TRPV2: variants seen among roughly 807,000 people sequenced by gnomAD.
TRPV2 encodes OTRPC2.
TRPV2 carries 58 observed loss-of-function variants against 91.0 expected under a neutral mutation model. The observed-to-expected ratio is 0.64, with a 90% CI of 0.52 to 0.79. TRPV2 has a LOEUF of 0.79. Ranked by LOEUF, TRPV2 falls within the 30% of genes least tolerant of loss-of-function variation. The probability of loss-of-function intolerance (pLI) is 0.00; values close to 1 mark genes in which losing one functional copy is unlikely to be tolerated. For synonymous variants in TRPV2, 417 were observed against 414.8 expected, an observed-to-expected ratio of 1.01 and a Z score of -0.06; for missense variants, 807 against 969.6, an observed-to-expected ratio of 0.83 and a Z score of 2.23.
rs199746870 is a variant in TRPV2 at position 16,430,481 on chromosome 17, GCCTT to G, written c.1588-1298_1588-1295del. Reference sequence around the variant, plus strand: ...CCATGTTGTAGCATGTGTCAGAAATGCCTTCCTTTTTTTTTTTTTTTTGAGATGG... The same window carrying G: ...CCATGTTGTAGCATGTGTCAGAAATGCCTTTTTTTTTTTTTTTTGAGATGG... On this transcript the variant is annotated intron_variant, in intron 10 of 14. Transcript: ENST00000338560. Among the ~76,000 whole-genome samples the G allele has an allele frequency of 8.3e-4, 108 of 129,836 alleles. 9 individuals carry two copies. The highest frequency in any genetic ancestry group is 1.1e-3 in the Non-Finnish European group (61 of 56,670). The allele number at this position is 129,836 out of a possible 152,430, so 85.2% of individuals were successfully genotyped here. A position where few individuals can be genotyped will look rare whatever the true frequency, so the allele number is the denominator to read the frequency against.
At chr17:16,417,955 G>A in intron 2 of TRPV2, 87 bp downstream of exon 2, 1 of 1,300,714 alleles carries the variant, frequency 7.7e-7, no homozygotes, top group Non-Finnish European at 1.1e-6. Flanking sequence ...GACTAGTCCA[G>A]CACCAGTGCC....
intron 10 of TRPV2, among the ~76,000 whole-genome samples, chr17:16,430,818 C>T (rs538327900): frequency 1.3e-5 from 2 of 152,230 alleles, no homozygotes; most frequent in East Asian, 3.9e-4. Context: ...AATAATATCC[C>T]ATTGTGTAGA....
At chr17:16,431,241 C>T (rs1181590444) in intron 10 of TRPV2, among the ~76,000 whole-genome samples, 2 of 99,760 alleles carry the variant, frequency 2.0e-5, no homozygotes, top group African/African-American at 4.0e-5. Flanking sequence ...AGCAGGAAAA[C>T]AATGTGATCT....
chr17:16,426,172 A>G lies in TRPV2; in HGVS notation c.998A>G (p.Tyr333Cys). The change falls in exon 6 of 15, where the codon TAT (tyrosine) becomes TGT (cysteine). Residue 333 changes from tyrosine to cysteine, a missense_variant. Tyr to Cys is a radical substitution (Grantham distance 194). Transcript: ENST00000338560. This position sits in a 1 kb window ranked among gnomAD's most constrained non-coding sequence, Gnocchi z 6.0. ...HLSRKFTEWC[Y>C]GPVRVSLYDL... ...TCCCGAAAGTTCACCGAGTGGTGCT[A>G]TGGGCCTGTCCGGGTGTCGCTGTAT... The G allele has an allele frequency of 1.2e-6, 2 of 1,614,124 alleles. No homozygotes were observed. Among genetic ancestry groups the G allele is most frequent in the South Asian group, 1.1e-5 (1 of 91,060 alleles).
At chr17:16,433,837 G>A (rs2093423998) in intron 13 of TRPV2, 139 bp downstream of exon 13, 3 of 1,268,476 alleles carry the variant, frequency 2.4e-6, no homozygotes, top group Admixed American at 2.6e-5. Context: ...GACTGAGCCT[G>A]AGCAGGTGAG....
intron 10 of TRPV2, among the ~76,000 whole-genome samples, chr17:16,431,256 C>CATATATATATATATATATATAT (rs60066961): frequency 1.5e-5 from 1 of 67,832 alleles, no homozygotes; most frequent in African/African-American, 6.9e-5. Flanking sequence ...TGATCTGAGA[C>CATATATATATATATATATATAT]ATATATATAT....
Position 16,422,771 on chromosome 17 carries a change from C to A in TRPV2, c.507C>A (p.Ile169=), listed in dbSNP as rs987107556. The A allele has an allele frequency of 1.9e-6, 3 of 1,575,092 alleles. No homozygotes were observed. The Admixed American group carries it at 5.5e-5, about 29-fold the overall frequency. The change falls in exon 4 of 15, where the codon ATC becomes ATA. Residue 169 remains isoleucine (I), a synonymous_variant. Coordinates refer to ENST00000338560, the MANE Select transcript of TRPV2 (RefSeq NM_016113.5). ...DYYRGHSALH[I]AIEKRSLQCV... is the part of the protein sequence containing the mutation. The stretch of plus-strand genomic sequence containing the variant: ...ACCGAGGCCACAGCGCTCTGCACAT[C>A]GCCATTGAGAAGAGGAGTCTGCAGT...
In TRPV2 at chr17:16,427,472, G is replaced by A. The variant is rs546804162; in HGVS notation, c.1275G>A (p.Ala425=). ...AGCAGGCCGCCCCTCACCTGAAAGCGGAGGTTGGAAACTCCATGCTGCTGA... is the reference window on the plus strand; with the variant it reads ...AGCAGGCCGCCCCTCACCTGAAAGCAGAGGTTGGAAACTCCATGCTGCTGA... ...LKKQAAPHLK[A]EVGNSMLLTG... The change falls in exon 8 of 15, where the codon GCG becomes GCA. Residue 425 remains alanine (A), a synonymous_variant. Coordinates refer to ENST00000338560, the MANE Select transcript of TRPV2 (RefSeq NM_016113.5). 191 of 1,613,886 alleles carry A rather than the reference G, an allele frequency of 1.2e-4. No homozygotes were observed. The highest frequency in any genetic ancestry group is 2.2e-4 in the South Asian group (20 of 91,072).
At chr17:16,420,285 T>C (rs769243947) in intron 3 of TRPV2, 37 bp downstream of exon 3, 1 of 1,548,750 alleles carries the variant, frequency 6.5e-7, no homozygotes, top group East Asian at 2.3e-5. Flanking sequence ...CTAGGCATCC[T>C]GTGAGCTGAT....
rs1285307283 is a variant in TRPV2 at position 16,435,764 on chromosome 17, G to A, written c.2194+795G>A. Among the ~76,000 whole-genome samples the A allele has an allele frequency of 1.3e-5, 2 of 152,104 alleles. No homozygotes were observed. Among genetic ancestry groups the A allele is most frequent in the African/African-American group, 2.4e-5 (1 of 41,428 alleles). On this transcript the variant is annotated intron_variant, in intron 14 of 14. Transcript: ENST00000338560. This position sits in a 1 kb window ranked among gnomAD's most constrained non-coding sequence, Gnocchi z 4.2. ...TCCTGAGTCTCCCATGGCCCCTGTT[G>A]TAGGGAGGCTCCTCTGGCCTCTTCT...
intron 9 of TRPV2, 64 bp downstream of exon 9, chr17:16,428,451 C>A: frequency 6.5e-7 from 1 of 1,545,138 alleles, no homozygotes; most frequent in Non-Finnish European, 9.0e-7. Context: ...GCAGTTGTGG[C>A]AGAAGGCACC....
rs763354742 is a variant in TRPV2 at position 16,428,939 on chromosome 17, G to A, written c.1544G>A (p.Arg515His). 6.8e-6 allele frequency: 11 copies of A among 1,614,152 alleles called. No homozygotes were observed. Among genetic ancestry groups the A allele is most frequent in the South Asian group, 3.3e-5 (3 of 91,074 alleles). ...TGGCTGAACCTGCTTTACTATACAC[G>A]TGGCTTCCAGCACACAGGCATCTAC... The part of the protein sequence containing the change: ...LGWLNLLYYT[R>H]GFQHTGIYSV... Residue 515 changes from arginine to histidine, a missense_variant, in exon 10 of 15, where the codon CGT becomes CAT. Transcript: ENST00000338560.
Position 16,417,818 on chromosome 17 carries a change from C to T in TRPV2, c.150C>T (p.Phe50=), listed in dbSNP as rs367705544. ...AGTTCCAGGGCGAGGACCGGAAATTCGCCCCTCAGATAAGAGTCAACCTCA... is the reference window on the plus strand; with the variant it reads ...AGTTCCAGGGCGAGGACCGGAAATTTGCCCCTCAGATAAGAGTCAACCTCA... The part of the protein sequence containing the change: ...ESQFQGEDRK[F]APQIRVNLNY... The change falls in exon 2 of 15, where the codon TTC becomes TTT. Residue 50 remains phenylalanine (F), a synonymous_variant. Coordinates refer to ENST00000338560, the MANE Select transcript of TRPV2 (RefSeq NM_016113.5). The T allele has an allele frequency of 3.2e-5, 52 of 1,614,048 alleles. No individual in the cohort carries two copies. Among genetic ancestry groups the T allele is most frequent in the South Asian group, 1.6e-4 (15 of 91,080 alleles).
intron 3 of TRPV2, among the ~76,000 whole-genome samples, chr17:16,422,128 C>A (rs2093360466): frequency 6.6e-6 from 1 of 151,584 alleles, no homozygotes. Context: ...CACGGTAAAA[C>A]CCGTCTCTGC....
At chr17:16,429,696 G>C (rs1163924282) in intron 10 of TRPV2, among the ~76,000 whole-genome samples, 2 of 152,162 alleles carry the variant, frequency 1.3e-5, no homozygotes, top group African/African-American at 4.8e-5. Context: ...GGAGCTTGGG[G>C]TGCTTGGGAC....
Position 16,435,978 on chromosome 17 carries a change from C to A in TRPV2, c.2195-811C>A, listed in dbSNP as rs1405497319. ...CTCCACACCCCACTGCCTGCTGGGGCCTCCAATGTGACATTCCCAACAGGA... is the reference window on the plus strand; with the variant it reads ...CTCCACACCCCACTGCCTGCTGGGGACTCCAATGTGACATTCCCAACAGGA... On this transcript the variant is annotated intron_variant, in intron 14 of 14. Transcript: ENST00000338560. This position sits in a 1 kb window ranked among gnomAD's most constrained non-coding sequence, Gnocchi z 4.2. 6.6e-6 allele frequency among the ~76,000 whole-genome samples: 1 copy of A among 152,222 alleles called. No homozygotes were observed. The highest frequency in any genetic ancestry group is 1.5e-5 in the Non-Finnish European group (1 of 68,030).
intron 10 of TRPV2, among the ~76,000 whole-genome samples, chr17:16,430,374 T>C (rs2093403953): frequency 6.6e-6 from 1 of 152,174 alleles, no homozygotes; most frequent in South Asian, 2.1e-4. Context: ...TGACCATAGC[T>C]ACATCGTAGA....
At chr17:16,419,582 A>G (rs1245915241) in intron 2 of TRPV2, among the ~76,000 whole-genome samples, 4 of 152,202 alleles carry the variant, frequency 2.6e-5, no homozygotes, top group Non-Finnish European at 5.9e-5. Context: ...GTAGTTTCTG[A>G]CCAGCAGGGC....
chr17:16,417,897 G>GC (rs748993248), intron 2 of TRPV2, 29 bp downstream of exon 2: 20 of 1,603,736 alleles, frequency 1.2e-5, no homozygotes, highest in Non-Finnish European at 1.7e-5. Flanking sequence ...GCAGGGCAAA[G>GC]GGGGCCCCCT....
Sources: allele counts gnomAD v4.1 joint callset (sites outside exome capture counted in the v4.1 genomes callset), GRCh38; gene constraint gnomAD v4.1.1; non-coding constraint Gnocchi (gnomAD v3.1); transcripts MANE v1.5; gene names NCBI Gene and HGNC (gene_info 2026-07-23, HGNC 2026-07-21).